The following NTM variants were observed in gnomAD, a reference collection of about 807,000 sequenced individuals.
The protein encoded by NTM is IgLON family member 2.
NTM carries 13 observed loss-of-function variants against 42.1 expected under a neutral mutation model. The observed-to-expected ratio is 0.31, with a 90% CI of 0.20 to 0.49. The LOEUF (loss-of-function observed/expected upper bound fraction) is 0.49. Among genes scored for constraint, NTM ranks in the 20% least tolerant of loss-of-function variants. NTM has a pLI of 0.99. For missense variants in NTM, 373 were observed against 452.8 expected, an observed-to-expected ratio of 0.82 and a Z score of 1.60; for synonymous variants, 187 against 179.2, an observed-to-expected ratio of 1.04 and a Z score of -0.35.
intron 1 of NTM, among the ~76,000 whole-genome samples, chr11:131,640,637 T>G (rs2065019249): frequency 6.6e-6 from 1 of 152,170 alleles, no homozygotes; most frequent in Non-Finnish European, 1.5e-5. Flanking sequence ...CACAGGTGAT[T>G]TCAATTAAGT....
intron 2 of NTM, among the ~76,000 whole-genome samples, chr11:132,028,485 A>G (rs1156261492): frequency 6.6e-6 from 1 of 152,120 alleles, no homozygotes; most frequent in Non-Finnish European, 1.5e-5. Context: ...TTCAAATACC[A>G]TCTGAGATAC....
intron 1 of NTM, among the ~76,000 whole-genome samples, chr11:131,506,414 G>A (rs939701677): frequency 1.3e-5 from 2 of 152,190 alleles, no homozygotes; most frequent in African/African-American, 4.8e-5. Flanking sequence ...GAGCACTAAT[G>A]GGATTCTAAT....
chr11:131,731,165 G>A lies in NTM; in HGVS notation c.83-180399G>A, dbSNP rs906437024. Among the ~76,000 whole-genome samples the A allele has an allele frequency of 5.3e-5, 8 of 152,170 alleles. No homozygotes were observed. The South Asian group carries it at 8.3e-4, about 16-fold the overall frequency. ...TGGCGCACCTCCTCCTCCTCCTCCC[G>A]TGTGGGGTCTTCCCTTATCTCTCCA... On this transcript the variant is annotated intron_variant, in intron 1 of 8. Coordinates refer to ENST00000683400, the MANE Select transcript of NTM (RefSeq NM_001352005.2).
At chr11:131,416,193 GT>G (rs11367745) in intron 1 of NTM, among the ~76,000 whole-genome samples, 9,381 of 145,714 alleles carry the variant, frequency 0.064, 1,470 homozygotes, top group East Asian at 0.62. Context: ...TTCTTTTCAT[GT>G]TTTTTTTTTT....
chr11:132,107,785 C>T (rs1479210669), intron 2 of NTM, among the ~76,000 whole-genome samples: 1 of 152,060 alleles, frequency 6.6e-6, no homozygotes, highest in Non-Finnish European at 1.5e-5. Flanking sequence ...CACATAACTC[C>T]CTAGTTTTCT....
intron 2 of NTM, among the ~76,000 whole-genome samples, chr11:132,076,202 G>A (rs2058344134): frequency 6.6e-6 from 1 of 152,118 alleles, no homozygotes; most frequent in African/African-American, 2.4e-5. Context: ...CCAGGGGTCA[G>A]CAAACTTTTT....
intron 1 of NTM, among the ~76,000 whole-genome samples, chr11:131,448,416 G>A (rs1425199115): frequency 2.0e-5 from 3 of 152,260 alleles, no homozygotes; most frequent in Non-Finnish European, 4.4e-5. Flanking sequence ...GCTGGCAGGA[G>A]CAGTCCTGGC....
At chr11:131,944,353 T>G (rs1374369542) in intron 2 of NTM, among the ~76,000 whole-genome samples, 3 of 152,192 alleles carry the variant, frequency 2.0e-5, no homozygotes, top group Admixed American at 1.3e-4. Flanking sequence ...GAGCTCTTGA[T>G]GAACTATATT....
intron 1 of NTM, among the ~76,000 whole-genome samples, chr11:131,383,333 T>C (rs1490255599): frequency 2.6e-5 from 4 of 152,200 alleles, no homozygotes; most frequent in Non-Finnish European, 4.4e-5. Context: ...CTCAGTTAGA[T>C]AGACAAGTGA....
chr11:132,092,250 G>C (rs186239647), intron 2 of NTM, among the ~76,000 whole-genome samples: 36 of 152,264 alleles, frequency 2.4e-4, no homozygotes, highest in African/African-American at 7.9e-4. Flanking sequence ...CCCTGTGATA[G>C]CCACAAAGAA....
At chr11:132,008,951 T>G (rs2071460802) in intron 2 of NTM, among the ~76,000 whole-genome samples, 1 of 151,950 alleles carries the variant, frequency 6.6e-6, no homozygotes, top group African/African-American at 2.4e-5. Flanking sequence ...AAATGTTTTA[T>G]AACTGGAGAG....
At chr11:131,945,861 G>A (rs2060283512) in intron 2 of NTM, among the ~76,000 whole-genome samples, 1 of 152,138 alleles carries the variant, frequency 6.6e-6, no homozygotes, top group African/African-American at 2.4e-5. Context: ...ATGAATAGAT[G>A]GCGTCTGGCA....
intron 3 of NTM, among the ~76,000 whole-genome samples, chr11:132,157,877 C>T (rs1356904145): frequency 6.6e-6 from 1 of 152,120 alleles, no homozygotes; most frequent in African/African-American, 2.4e-5. Context: ...TTTTCCTTTT[C>T]CCGTCCTCTT....
At chr11:131,566,453 G>C (rs2056898371) in intron 1 of NTM, among the ~76,000 whole-genome samples, 1 of 152,016 alleles carries the variant, frequency 6.6e-6, no homozygotes. Context: ...GTGTGTGTCT[G>C]TGTGTGTGTG....
At chr11:131,809,998 A>G (rs901340488) in intron 1 of NTM, among the ~76,000 whole-genome samples, 2 of 152,172 alleles carry the variant, frequency 1.3e-5, no homozygotes, top group Non-Finnish European at 2.9e-5. Context: ...CTTTAAATTA[A>G]AACTCCCTCC....
chr11:131,462,472 G>T (rs1238867567), intron 1 of NTM, among the ~76,000 whole-genome samples: 1 of 152,176 alleles, frequency 6.6e-6, no homozygotes, highest in East Asian at 1.9e-4. Flanking sequence ...GGCTAGTGAG[G>T]GCTGGGGTCA....
At chr11:132,021,294 T>G (rs530634239) in intron 2 of NTM, among the ~76,000 whole-genome samples, 2 of 152,266 alleles carry the variant, frequency 1.3e-5, no homozygotes, top group Admixed American at 6.5e-5. Context: ...TTCCTTTAAT[T>G]TCAAAAACAT....
chr11:131,387,500 G>A (rs117758334), intron 1 of NTM, among the ~76,000 whole-genome samples: 2,128 of 152,342 alleles, frequency 0.014, 25 homozygotes, highest in Non-Finnish European at 0.023. Flanking sequence ...AGTTATGAGT[G>A]ATGATGGAGT....
intron 1 of NTM, among the ~76,000 whole-genome samples, chr11:131,424,390 C>A (rs1306879026): frequency 1.3e-5 from 2 of 151,900 alleles, no homozygotes. Context: ...TCTGTGCCAG[C>A]TGAATTTCAG....
Sources: allele counts gnomAD v4.1 joint callset (sites outside exome capture counted in the v4.1 genomes callset), GRCh38; gene constraint gnomAD v4.1.1; transcripts MANE v1.5; gene names NCBI Gene and HGNC (gene_info 2026-07-23, HGNC 2026-07-21).